The following DPYS variants were observed in gnomAD, a reference collection of about 807,000 sequenced individuals.
DPYS encodes dihydropyrimidine amidohydrolase.
Under a neutral mutation model 50.3 loss-of-function variants are expected in DPYS, and 39 were observed. That is an observed-to-expected ratio of 0.78 (90% CI 0.60 to 1.01). The LOEUF is 1.01. DPYS is among the 50% of genes least tolerant of loss of function. DPYS has a pLI of 0.00. For missense variants in DPYS, 659 were observed against 680.9 expected, an observed-to-expected ratio of 0.97 and a Z score of 0.36; for synonymous variants, 245 against 250.7, an observed-to-expected ratio of 0.98 and a Z score of 0.22.
intron 7 of DPYS, among the ~76,000 whole-genome samples, chr8:104,410,155 T>C (rs1279781676): frequency 1.3e-5 from 2 of 152,202 alleles, no homozygotes; most frequent in African/African-American, 2.4e-5. Flanking sequence ...CTCCTCTCTT[T>C]CAGTCCATTT....
chr8:104,406,340 C>G (rs745590906), intron 7 of DPYS, among the ~76,000 whole-genome samples: 11 of 152,204 alleles, frequency 7.2e-5, no homozygotes, highest in Non-Finnish European at 1.6e-4. Flanking sequence ...ATGATGGCAT[C>G]TATACCTAGA....
rs149497637 is a variant in DPYS at position 104,464,374 on chromosome 8, G to C, written c.264+2283C>G. ...CGCAAAGATAATCTTGAGAAAGAGA[G>C]GGAATGCCCCTCCCCCACAGCATTC... is the stretch of plus-strand genomic sequence containing the variant. On this transcript the variant is annotated intron_variant, in intron 1 of 9. Transcript: ENST00000351513. 4.3e-3 allele frequency among the ~76,000 whole-genome samples: 653 copies of C among 152,350 alleles called. 7 individuals carry two copies. The highest frequency in any genetic ancestry group is 0.015 in the African/African-American group (627 of 41,584).
At chr8:104,449,874 C>G (rs1813671029) in intron 2 of DPYS, among the ~76,000 whole-genome samples, 1 of 152,212 alleles carries the variant, frequency 6.6e-6, no homozygotes. Flanking sequence ...GCCTCCACAA[C>G]TGTGAGGCAG....
chr8:104,460,678 T>G (rs2140770626), intron 1 of DPYS, among the ~76,000 whole-genome samples: 1 of 152,324 alleles, frequency 6.6e-6, no homozygotes. Flanking sequence ...TCTTGGAATC[T>G]AAGTCAGTGA....
chr8:104,453,001 G>A (rs556410734), intron 1 of DPYS, among the ~76,000 whole-genome samples: 16 of 152,142 alleles, frequency 1.1e-4, no homozygotes, highest in African/African-American at 3.6e-4. Context: ...TACAACACAG[G>A]AGGGGGCAGT....
Position 104,429,639 on chromosome 8 carries a change from T to G in DPYS, c.856A>C (p.Asn286His). ...SLGTDGTHYW[N>H]KEWHHAAHHV... ...TGGGCTGCATGGTGCCATTCTTTATTCCAGTAGTGAGTGCCATCTGTGCCA... is the reference window on the plus strand; with the variant it reads ...TGGGCTGCATGGTGCCATTCTTTATGCCAGTAGTGAGTGCCATCTGTGCCA... Residue 286 changes from asparagine (N) to histidine (H), a missense_variant, in exon 5 of 10, where the codon AAT becomes CAT. Physicochemically the swap from Asn to His is moderately conservative, Grantham distance 68. Coordinates refer to ENST00000351513, the MANE Select transcript of DPYS (RefSeq NM_001385.3). 6.2e-7 allele frequency: 1 copy of G among 1,614,172 alleles called. No homozygotes were observed. Among genetic ancestry groups the G allele is most frequent in the Non-Finnish European group, 8.5e-7 (1 of 1,180,024 alleles).
At chr8:104,413,541 G>A (rs937325079) in intron 7 of DPYS, among the ~76,000 whole-genome samples, 9 of 151,916 alleles carry the variant, frequency 5.9e-5, no homozygotes, top group African/African-American at 1.7e-4. Context: ...AAAAATTATG[G>A]ACGTTGTAAG....
At chr8:104,447,880 C>T (rs1057379918) in intron 2 of DPYS, among the ~76,000 whole-genome samples, 1 of 152,184 alleles carries the variant, frequency 6.6e-6, no homozygotes, top group African/African-American at 2.4e-5. Flanking sequence ...CAGGAATGAA[C>T]GTTAATGTGA....
At chr8:104,385,551 A>G (rs1406144990) in intron 8 of DPYS, among the ~76,000 whole-genome samples, 1 of 152,190 alleles carries the variant, frequency 6.6e-6, no homozygotes, top group Non-Finnish European at 1.5e-5. Context: ...TGGTATCACA[A>G]TCAAATAAAA....
At chr8:104,397,194 T>TG (rs1363568423) in intron 7 of DPYS, among the ~76,000 whole-genome samples, 1 of 152,190 alleles carries the variant, frequency 6.6e-6, no homozygotes, top group Non-Finnish European at 1.5e-5. Context: ...CCAAGAACCC[T>TG]GGTCCCTAGA....
rs969894461 is a variant in DPYS at position 104,380,887 on chromosome 8, T to G, written c.*14+297A>C. On this transcript the variant is annotated intron_variant, in intron 9 of 9. Transcript: ENST00000351513. ...AAATTATACTCCCTGTCTTAAGTAGTTCCCTCTGTATGTTATCAGCCTCCT... is the reference window on the plus strand; with the variant it reads ...AAATTATACTCCCTGTCTTAAGTAGGTCCCTCTGTATGTTATCAGCCTCCT... The G allele has an allele frequency of 1.3e-5, 4 of 309,870 alleles. No individual in the cohort carries two copies. In the Admixed American group the frequency reaches 1.7e-4, roughly 13 times the overall value. 19.2% of individuals were successfully genotyped at this position (309,870 alleles called of 1,614,324 possible). A position where few individuals can be genotyped will look rare whatever the true frequency, so the allele number is the denominator to read the frequency against.
In DPYS at chr8:104,447,472, T is replaced by A; in HGVS notation, c.455A>T (p.Asp152Val). 6.2e-7 allele frequency: 1 copy of A among 1,614,168 alleles called. No homozygotes were observed. Among genetic ancestry groups the A allele is most frequent in the East Asian group, 2.2e-5 (1 of 44,878 alleles). Residue 152 changes from aspartate (D) to valine (V), a missense_variant, in exon 3 of 10, where the codon GAT (aspartate) becomes GTT (valine). Physicochemically the swap from Asp to Val is radical, Grantham distance 152 (BLOSUM62 -3). Coordinates refer to ENST00000351513, the MANE Select transcript of DPYS (RefSeq NM_001385.3). ...VKEEMKILVQ[D>V]KGVNSFKMFM... ...CATCTTGAAAGAGTTAACACCTTTA[T>A]CTTGCACAAGGATTTTCATTTCTTC...
At chr8:104,418,999 T>C (rs1812462895) in intron 7 of DPYS, 6 of 985,384 alleles carry the variant, frequency 6.1e-6, no homozygotes, top group Non-Finnish European at 7.2e-6. Flanking sequence ...GGTGACTCTT[T>C]TGGCTTCATT....
chr8:104,385,803 C>T (rs529291855), intron 8 of DPYS, among the ~76,000 whole-genome samples: 4 of 152,278 alleles, frequency 2.6e-5, no homozygotes, highest in South Asian at 2.1e-4. Context: ...TCTCTTTGCC[C>T]TTCTGCCATG....
At chr8:104,436,060 GCTT>G (rs1240728131) in intron 4 of DPYS, among the ~76,000 whole-genome samples, 3 of 152,120 alleles carry the variant, frequency 2.0e-5, no homozygotes, top group Non-Finnish European at 4.4e-5. Flanking sequence ...GGGAAATAAA[GCTT>G]CTTAGGTGGT....
At chr8:104,419,696 G>A (rs948932931) in intron 7 of DPYS, 1 of 152,194 alleles carries the variant, frequency 6.6e-6, no homozygotes, top group East Asian at 1.9e-4. Flanking sequence ...TCACAACAGA[G>A]GCCATTCTAC....
intron 3 of DPYS, among the ~76,000 whole-genome samples, chr8:104,446,567 C>T (rs1813537362): frequency 6.6e-6 from 1 of 152,204 alleles, no homozygotes. Flanking sequence ...AAAAATACTT[C>T]CTGTTGTCAT....
rs528652844 is a variant in DPYS, at chr8:104,394,824, C to T, written c.1236-1833G>A. ...CCATGGAAAAGAGAAAGAGGAGCAT[C>T]TAGTATGTCAGGGAGATCGTTTATA... On this transcript the variant is annotated intron_variant, in intron 7 of 9. Coordinates refer to ENST00000351513, the MANE Select transcript of DPYS (RefSeq NM_001385.3). 2.8e-4 allele frequency among the ~76,000 whole-genome samples: 41 copies of T among 147,258 alleles called. No individual in the cohort carries two copies. In the South Asian group the frequency reaches 8.6e-3, roughly 31 times the overall value.
At chr8:104,409,272 G>T (rs1812096505) in intron 7 of DPYS, among the ~76,000 whole-genome samples, 1 of 151,634 alleles carries the variant, frequency 6.6e-6, no homozygotes, top group Non-Finnish European at 1.5e-5. Context: ...ATCACTTGAG[G>T]TCAGGAGTTC....
Sources: allele counts gnomAD v4.1 joint callset (sites outside exome capture counted in the v4.1 genomes callset), GRCh38; gene constraint gnomAD v4.1.1; transcripts MANE v1.5; gene names NCBI Gene and HGNC (gene_info 2026-07-23, HGNC 2026-07-21).